The following ERAP1 variants were observed in gnomAD, a reference collection of about 807,000 sequenced individuals.
The protein encoded by ERAP1 is endoplasmic reticulum aminopeptidase 1, also known as adipocyte-derived leucine aminopeptidase.
ERAP1 carries 86 observed loss-of-function variants against 103.7 expected under a neutral mutation model. The observed-to-expected ratio is 0.83, with a 90% confidence interval of 0.70 to 0.99. ERAP1 has a LOEUF of 0.99. Among genes scored for constraint, ERAP1 ranks in the 50% least tolerant of loss-of-function variants. The probability of loss-of-function intolerance (pLI) is 0.00; values close to 1 mark genes in which losing one functional copy is unlikely to be tolerated. For missense variants in ERAP1, 1,009 were observed against 1,128.4 expected, an observed-to-expected ratio of 0.89 and a Z score of 1.52; for synonymous variants, 398 against 402.4, an observed-to-expected ratio of 0.99 and a Z score of 0.13.
the ERAP1 span, among the ~76,000 whole-genome samples, chr5:96,818,721 T>C: frequency 2.0e-5 from 3 of 152,024 alleles, no homozygotes; most frequent in African/African-American, 7.2e-5. Flanking sequence ...TCAGTAGCGT[T>C]TAATTTTAAG....
In ERAP1 at chr5:96,776,308, G is replaced by A. The variant is rs939566830; in HGVS notation, c.*88C>T. On this transcript the variant is annotated 3_prime_UTR_variant, in exon 19 of 19. Transcript: ENST00000443439. ...GAAGGGAAAAAAGTATCTCCAGTTG[G>A]AGCCAAAACAGCCATCTCTAGTTTG... 33 of 1,549,692 alleles carry A rather than the reference G, an allele frequency of 2.1e-5. No homozygotes were observed. The African/African-American group carries it at 4.1e-4, about 19-fold the overall frequency.
At chr5:96,875,933 T>C in the ERAP1 span, 1 of 152,320 alleles carries the variant, frequency 6.6e-6, no homozygotes. Flanking sequence ...AGAGAGGAAG[T>C]TGAAGCCCAA....
intron 18 of ERAP1, 125 bp from the exon 19 acceptor site, chr5:96,776,676 G>C: frequency 7.4e-7 from 1 of 1,357,714 alleles, no homozygotes; most frequent in Non-Finnish European, 1.0e-6. Flanking sequence ...AGTCCCAGCT[G>C]TCTGAATAGG....
chr5:96,900,245 A>C, the ERAP1 span: 1 of 1,609,034 alleles, frequency 6.2e-7, no homozygotes, highest in Non-Finnish European at 8.5e-7. Context: ...CCTGACCTAG[A>C]GTGAGTATGA....
At chr5:96,852,828 G>A in the ERAP1 span, among the ~76,000 whole-genome samples, 11 of 152,138 alleles carry the variant, frequency 7.2e-5, no homozygotes, top group South Asian at 2.1e-3. Flanking sequence ...TTTTCTCTTG[G>A]CAGGGAATTA....
exon 20 of ERAP1, chr5:96,762,909 T>C (rs1768501780): frequency 2.1e-6 from 1 of 473,558 alleles, no homozygotes; most frequent in East Asian, 3.8e-5. Context: ...AGCATCAATA[T>C]TGTTTTAATT....
At chr5:96,832,439 A>C in the ERAP1 span, among the ~76,000 whole-genome samples, 1 of 152,204 alleles carries the variant, frequency 6.6e-6, no homozygotes, top group Non-Finnish European at 1.5e-5. Context: ...GTCTTGATTA[A>C]ATTGAGTGGA....
At chr5:96,851,411 C>A in the ERAP1 span, among the ~76,000 whole-genome samples, 1 of 152,154 alleles carries the variant, frequency 6.6e-6, no homozygotes, top group Non-Finnish European at 1.5e-5. Context: ...AAAATGAACT[C>A]TGGGAGAAAT....
At chr5:96,827,743 T>C in the ERAP1 span, among the ~76,000 whole-genome samples, 121 of 152,274 alleles carry the variant, frequency 7.9e-4, 1 homozygote, top group Non-Finnish European at 1.5e-3. Context: ...TCCATTTTAC[T>C]TTTCCCCTCT....
the ERAP1 span, among the ~76,000 whole-genome samples, chr5:96,932,887 G>A: frequency 2.6e-5 from 4 of 152,092 alleles, no homozygotes; most frequent in Admixed American, 1.3e-4. Context: ...CAATGATTCC[G>A]AAGACAGTAG....
intron 15 of ERAP1, among the ~76,000 whole-genome samples, chr5:96,782,711 T>G (rs2150910505): frequency 6.6e-6 from 1 of 152,336 alleles, no homozygotes; most frequent in East Asian, 1.9e-4. Context: ...TCAGGGAATT[T>G]GGAAGCCCAA....
the ERAP1 span, among the ~76,000 whole-genome samples, chr5:96,835,647 C>T: frequency 7.8e-4 from 118 of 152,118 alleles, 2 homozygotes; most frequent in South Asian, 0.022. Context: ...GTGTGTTTTC[C>T]TTCTGTATAA....
chr5:96,812,146 T>C (rs1779191746), upstream of ERAP1, among the ~76,000 whole-genome samples: 1 of 152,266 alleles, frequency 6.6e-6, no homozygotes. Context: ...TATGTTTATG[T>C]TTCTTGTCCA....
the ERAP1 span, among the ~76,000 whole-genome samples, chr5:96,824,640 C>A: frequency 2.0e-5 from 3 of 152,242 alleles, no homozygotes. Flanking sequence ...TTCCCATCTG[C>A]CAACAATTGG....
the ERAP1 span, among the ~76,000 whole-genome samples, chr5:96,823,963 A>G: frequency 1.4e-4 from 21 of 152,230 alleles, no homozygotes; most frequent in African/African-American, 5.1e-4. Flanking sequence ...TCTGATAACC[A>G]CAAAGGTTAC....
the ERAP1 span, among the ~76,000 whole-genome samples, chr5:96,914,002 G>T: frequency 6.6e-6 from 1 of 152,228 alleles, no homozygotes; most frequent in East Asian, 1.9e-4. Flanking sequence ...AGTCTTTTCT[G>T]GGGTTTCAAC....
At chr5:96,859,287 A>G in the ERAP1 span, among the ~76,000 whole-genome samples, 1 of 152,078 alleles carries the variant, frequency 6.6e-6, no homozygotes, top group Non-Finnish European at 1.5e-5. Flanking sequence ...CACACTGCCA[A>G]AAAACCCCCC....
intron 18 of ERAP1, chr5:96,777,014 G>C (rs1270778222): frequency 6.4e-6 from 1 of 156,442 alleles, no homozygotes; most frequent in Non-Finnish European, 1.4e-5. Context: ...ACACTGTGGG[G>C]AATGGGATTC....
the ERAP1 span, among the ~76,000 whole-genome samples, chr5:96,838,595 C>T: frequency 6.6e-6 from 1 of 150,824 alleles, no homozygotes; most frequent in African/African-American, 2.5e-5. Context: ...TATATTTCCT[C>T]CCAAAGTCCA....
Sources: gnomAD v4.1 joint callset for allele counts (sites outside exome capture counted in the v4.1 genomes callset) on GRCh38, gnomAD v4.1.1 for gene constraint, MANE v1.5 for transcripts, NCBI Gene and HGNC (gene_info 2026-07-23, HGNC 2026-07-21) for gene names.